PTPN11: variants seen among roughly 807,000 people sequenced by gnomAD.
PTPN11 encodes tyrosine-protein phosphatase non-receptor type 11.
In PTPN11, 6 loss-of-function variants were observed where a neutral mutation model predicts 78.8. The ratio of observed to expected loss-of-function variants is 0.08; its 90% CI spans 0.04 to 0.15. The LOEUF (loss-of-function observed/expected upper bound fraction) is 0.15. Among genes scored for constraint, PTPN11 ranks in the 10% least tolerant of loss-of-function variants. The pLI is 1.00. For missense variants in PTPN11, 386 were observed against 744.8 expected, an observed-to-expected ratio of 0.52 and a Z score of 5.61; for synonymous variants, 221 against 263.5, an observed-to-expected ratio of 0.84 and a Z score of 1.56.
intron 1 of PTPN11, among the ~76,000 whole-genome samples, chr12:112,440,087 CT>C (rs1160621306): frequency 6.6e-6 from 1 of 152,108 alleles, no homozygotes. Context: ...GTTGTCATTA[CT>C]TTTTGATTCC....
chr12:112,459,453 T>A lies in PTPN11; in HGVS notation c.756+3390T>A, dbSNP rs1160148793. ...AAATACTTTTTTTTTTTTTTTGAGA[T>A]AGAGTTTTGTTTTGTTTTGTTTTTT... On this transcript the variant is annotated intron_variant, in intron 6 of 15. Coordinates refer to ENST00000351677, the MANE Select transcript of PTPN11 (RefSeq NM_002834.5). Among the ~76,000 whole-genome samples the A allele has an allele frequency of 4.0e-5, 6 of 150,450 alleles. No individual in the cohort carries two copies. In the Admixed American group the frequency reaches 4.0e-4, roughly 10 times the overall value.
chr12:112,476,883 C>G (rs2038513064), intron 7 of PTPN11, among the ~76,000 whole-genome samples: 1 of 152,200 alleles, frequency 6.6e-6, no homozygotes, highest in South Asian at 2.1e-4. Flanking sequence ...CACCCAGCTT[C>G]AACAATTATC....
chr12:112,442,866 ATATATATATATAAAT>A (rs1337114203), intron 1 of PTPN11, among the ~76,000 whole-genome samples: 1 of 87,866 alleles, frequency 1.1e-5, no homozygotes, highest in African/African-American at 4.9e-5. Context: ...ATATATATAT[ATATATATATATAAAT>A]TATATATACA....
intron 2 of PTPN11, among the ~76,000 whole-genome samples, chr12:112,449,283 A>G (rs1592825214): frequency 6.7e-6 from 1 of 150,318 alleles, no homozygotes; most frequent in Admixed American, 6.6e-5. Flanking sequence ...CAGGCGGCGG[A>G]TCATGAGGTC....
intron 1 of PTPN11, among the ~76,000 whole-genome samples, chr12:112,444,680 T>A (rs2037963631): frequency 6.6e-6 from 1 of 152,146 alleles, no homozygotes; most frequent in South Asian, 2.1e-4. Flanking sequence ...GTTAAAAAAA[T>A]AGGAAACTAA....
At chr12:112,442,588 A>G (rs974818980) in intron 1 of PTPN11, among the ~76,000 whole-genome samples, 1 of 151,066 alleles carries the variant, frequency 6.6e-6, no homozygotes, top group Non-Finnish European at 1.5e-5. Context: ...AGTAGTTGGG[A>G]CTATAGGCGC....
intron 6 of PTPN11, among the ~76,000 whole-genome samples, 179 bp downstream of exon 6, chr12:112,456,242 T>C (rs1275227141): frequency 6.6e-6 from 1 of 152,120 alleles, no homozygotes; most frequent in Non-Finnish European, 1.5e-5. Flanking sequence ...CAGAAGAGCA[T>C]TGTGTTCTGA....
In PTPN11 at chr12:112,447,652, A is replaced by G. The variant is rs554286447; in HGVS notation, c.137+1254A>G. Among the ~76,000 whole-genome samples the G allele has an allele frequency of 9.9e-5, 15 of 151,986 alleles. No homozygotes were observed. In the South Asian group the frequency reaches 3.1e-3, roughly 32 times the overall value. On this transcript the variant is annotated intron_variant, in intron 2 of 15. Transcript: ENST00000351677. ...GTGGCTGGGATTACAGGTGCATGCC[A>G]CCATGCCCAGCTAATTTTTGTATTT...
rs1448766527 is a variant in PTPN11, at chr12:112,431,572, C to T, written c.14+12447C>T. Among the ~76,000 whole-genome samples, 5 of 152,058 alleles carry T rather than the reference C, an allele frequency of 3.3e-5. No individual in the cohort carries two copies. In the East Asian group the frequency reaches 9.7e-4, roughly 29 times the overall value. Reference sequence around the variant, plus strand: ...GATGGGGGATCTGACTGTGGGACCACCAGAGGGAAAAGCACATGTAAAAGC... The same window carrying T: ...GATGGGGGATCTGACTGTGGGACCATCAGAGGGAAAAGCACATGTAAAAGC... On this transcript the variant is annotated intron_variant, in intron 1 of 15. Transcript: ENST00000351677.
chr12:112,473,115 A>C, intron 7 of PTPN11, 75 bp downstream of exon 7: 2 of 1,244,464 alleles, frequency 1.6e-6, no homozygotes, highest in Non-Finnish European at 1.2e-6. Flanking sequence ...ACCTTTCCTC[A>C]GGGTCGTGTG....
chr12:112,436,762 G>A (rs2037798514), intron 1 of PTPN11, among the ~76,000 whole-genome samples: 1 of 151,620 alleles, frequency 6.6e-6, no homozygotes, highest in Admixed American at 6.6e-5. Flanking sequence ...AGGGACTGTG[G>A]GTTGTAAGTT....
chr12:112,461,508 G>T (rs1348685349), intron 6 of PTPN11, among the ~76,000 whole-genome samples: 1 of 151,490 alleles, frequency 6.6e-6, no homozygotes, highest in East Asian at 1.9e-4. Context: ...TGATTCTTTT[G>T]TAGAGATGAG....
At chr12:112,424,956 TTGTGTGTGTGTGTGTGTGTGTGTG>T (rs34463047) in intron 1 of PTPN11, among the ~76,000 whole-genome samples, 18 of 89,052 alleles carry the variant, frequency 2.0e-4, no homozygotes, top group African/African-American at 3.4e-4. Flanking sequence ...GTCAGGCTAA[TTGTGTGTGTGTGTGTGTGTGTGTG>T]TGTGTGTGTG....
chr12:112,504,486 C>T lies in PTPN11; in HGVS notation c.1713-209C>T, dbSNP rs920427327. On this transcript the variant is annotated intron_variant, in intron 14 of 15. Coordinates refer to ENST00000351677, the MANE Select transcript of PTPN11 (RefSeq NM_002834.5). This position sits in a 1 kb window ranked among gnomAD's most constrained non-coding sequence, Gnocchi z 4.7. The stretch of plus-strand genomic sequence containing the variant: ...GGGATTACAGGCGTGAGCCACCATG[C>T]CCAGCGTTATTTCACTTCTGCCTCT... Among the ~76,000 whole-genome samples, 2 of 152,234 alleles carry T rather than the reference C, an allele frequency of 1.3e-5. No individual in the cohort carries two copies. The highest frequency in any genetic ancestry group is 2.4e-5 in the African/African-American group (1 of 41,464).
chr12:112,458,359 C>T (rs2038196275), intron 6 of PTPN11, among the ~76,000 whole-genome samples: 1 of 152,214 alleles, frequency 6.6e-6, no homozygotes, highest in Non-Finnish European at 1.5e-5. Flanking sequence ...TACAGGTGTG[C>T]ACCACCATAG....
At chr12:112,503,188 A>T (rs1020145510) in intron 14 of PTPN11, among the ~76,000 whole-genome samples, 5 of 152,232 alleles carry the variant, frequency 3.3e-5, no homozygotes, top group African/African-American at 1.2e-4. Flanking sequence ...GAGACCATGT[A>T]TGGCATATAG....
At chr12:112,469,943 A>C (rs1257335033) in intron 6 of PTPN11, among the ~76,000 whole-genome samples, 1 of 152,026 alleles carries the variant, frequency 6.6e-6, no homozygotes, top group Admixed American at 6.5e-5. Flanking sequence ...TTTTTTGGAA[A>C]CAGAGTCTTG....
At chr12:112,485,689 A>G (rs1354590026) in intron 10 of PTPN11, among the ~76,000 whole-genome samples, 1 of 152,148 alleles carries the variant, frequency 6.6e-6, no homozygotes, top group Non-Finnish European at 1.5e-5. Context: ...AAAATAGAAC[A>G]ATACTGGCCA....
intron 1 of PTPN11, among the ~76,000 whole-genome samples, chr12:112,420,622 G>T (rs2037509204): frequency 6.6e-6 from 1 of 152,152 alleles, no homozygotes; most frequent in Non-Finnish European, 1.5e-5. Flanking sequence ...AATTACAGGC[G>T]TGAGCCACCG....
Sources: allele counts gnomAD v4.1 joint callset (sites outside exome capture counted in the v4.1 genomes callset), GRCh38; gene constraint gnomAD v4.1.1; non-coding constraint Gnocchi (gnomAD v3.1); transcripts MANE v1.5; gene names NCBI Gene and HGNC (gene_info 2026-07-23, HGNC 2026-07-21).